The following NR6A1 variants were observed in gnomAD, a reference collection of about 807,000 sequenced individuals.
The protein encoded by NR6A1 is retinoic acid receptor-related testis-associated receptor.
In NR6A1, 7 loss-of-function variants were observed where a neutral mutation model predicts 59.1. The observed-to-expected ratio is 0.12, with a 90% CI of 0.07 to 0.22. The LOEUF (loss-of-function observed/expected upper bound fraction) is 0.22, where lower values mean the gene tolerates loss of function less well. NR6A1 is among the 10% of genes least tolerant of loss of function. The pLI, the probability that NR6A1 is intolerant of heterozygous loss-of-function variation, is 1.00. For missense variants in NR6A1, 468 were observed against 611.6 expected (o/e 0.77, Z 2.48); for synonymous variants, 243 against 236.1 (o/e 1.03, Z -0.27).
intron 1 of NR6A1, among the ~76,000 whole-genome samples, chr9:124,761,832 G>A (rs539847151): frequency 6.6e-6 from 1 of 152,294 alleles, no homozygotes; most frequent in East Asian, 1.9e-4. Flanking sequence ...TACCCTTGGT[G>A]AGGCAACTGG....
intron 3 of NR6A1, 85 bp from the exon 4 acceptor site, chr9:124,543,942 A>C (rs1177824915): frequency 9.4e-7 from 1 of 1,065,902 alleles, no homozygotes; most frequent in Non-Finnish European, 1.4e-6. Context: ...CTTGGCCAAA[A>C]GCATAAGACA....
At chr9:124,701,376 A>T (rs952943613) in intron 2 of NR6A1, among the ~76,000 whole-genome samples, 4 of 152,166 alleles carry the variant, frequency 2.6e-5, no homozygotes, top group African/African-American at 9.7e-5. Context: ...CCATGTTTTC[A>T]TATTTTTAAT....
intron 2 of NR6A1, among the ~76,000 whole-genome samples, chr9:124,700,222 TCTCA>T (rs748255459): frequency 1.1e-4 from 16 of 150,546 alleles, no homozygotes; most frequent in Non-Finnish European, 2.1e-4. Context: ...TGAAATGGGG[TCTCA>T]CTCTGTCACC....
chr9:124,766,428 CTG>C (rs1840935558), intron 1 of NR6A1, among the ~76,000 whole-genome samples: 1 of 152,218 alleles, frequency 6.6e-6, no homozygotes, highest in Non-Finnish European at 1.5e-5. Context: ...CTGTTAAAAA[CTG>C]TTTCAAGCAC....
At chr9:124,659,029 A>T (rs1385948800) in intron 2 of NR6A1, among the ~76,000 whole-genome samples, 1 of 152,252 alleles carries the variant, frequency 6.6e-6, no homozygotes, top group Non-Finnish European at 1.5e-5. Flanking sequence ...AAAATGGAGT[A>T]TTTAAAGAAG....
At chr9:124,623,571 A>G (rs1349614830) in intron 2 of NR6A1, among the ~76,000 whole-genome samples, 1 of 149,934 alleles carries the variant, frequency 6.7e-6, no homozygotes, top group Admixed American at 6.7e-5. Flanking sequence ...TCTGTTTCCC[A>G]GGCTGGTCTT....
At chr9:124,669,007 T>C (rs951543053) in intron 2 of NR6A1, among the ~76,000 whole-genome samples, 1 of 152,150 alleles carries the variant, frequency 6.6e-6, no homozygotes, top group African/African-American at 2.4e-5. Flanking sequence ...AAATTATACA[T>C]CCCTAACAAA....
chr9:124,524,677 A>C (rs1832881958), intron 9 of NR6A1, 44 bp downstream of exon 9: 3 of 1,601,342 alleles, frequency 1.9e-6, no homozygotes, highest in Non-Finnish European at 2.6e-6. Flanking sequence ...TCACAAGCTA[A>C]GAGAAGCAAG....
At chr9:124,584,818 G>T (rs1055015200) in intron 2 of NR6A1, among the ~76,000 whole-genome samples, 1 of 152,042 alleles carries the variant, frequency 6.6e-6, no homozygotes, top group African/African-American at 2.4e-5. Context: ...GAAGAGCCAC[G>T]TCTCTCACTT....
chr9:124,666,986 G>A (rs1009741210), intron 2 of NR6A1, among the ~76,000 whole-genome samples: 7 of 151,810 alleles, frequency 4.6e-5, no homozygotes, highest in East Asian at 3.9e-4. Context: ...CAGATGCTTC[G>A]TATGTAGTAG....
intron 2 of NR6A1, among the ~76,000 whole-genome samples, chr9:124,569,837 C>T (rs1259292442): frequency 6.6e-6 from 1 of 152,188 alleles, no homozygotes; most frequent in Non-Finnish European, 1.5e-5. Flanking sequence ...CTATAAAATT[C>T]CATTTCCAAG....
chr9:124,768,852 T>A (rs923079169), intron 1 of NR6A1, among the ~76,000 whole-genome samples: 1 of 152,252 alleles, frequency 6.6e-6, no homozygotes, highest in African/African-American at 2.4e-5. Flanking sequence ...AAATATTGAA[T>A]TGCAGTAAAA....
intron 2 of NR6A1, among the ~76,000 whole-genome samples, chr9:124,714,998 C>T (rs1226287319): frequency 6.6e-6 from 1 of 151,880 alleles, no homozygotes; most frequent in African/African-American, 2.4e-5. Flanking sequence ...AAGAGATCGA[C>T]ACCATCCTGA....
At chr9:124,643,260 G>A (rs1421409359) in intron 2 of NR6A1, among the ~76,000 whole-genome samples, 1 of 151,984 alleles carries the variant, frequency 6.6e-6, no homozygotes, top group East Asian at 1.9e-4. Context: ...CAGGAGCCAA[G>A]ACCAGCCTGG....
intron 2 of NR6A1, among the ~76,000 whole-genome samples, chr9:124,635,376 A>G (rs1836576879): frequency 1.3e-5 from 2 of 152,182 alleles, no homozygotes; most frequent in African/African-American, 2.4e-5. Flanking sequence ...GGTTTTCCCC[A>G]TGCTGTTCTC....
chr9:124,583,322 C>T (rs1834827500), intron 2 of NR6A1, among the ~76,000 whole-genome samples: 1 of 152,174 alleles, frequency 6.6e-6, no homozygotes. Flanking sequence ...AGTATAACTT[C>T]TTACAACCAC....
chr9:124,524,597 G>T, intron 9 of NR6A1, 124 bp downstream of exon 9: 2 of 1,067,110 alleles, frequency 1.9e-6, no homozygotes, highest in Non-Finnish European at 2.7e-6. Context: ...GGGCAAGGGT[G>T]AGAACTCTTT....
chr9:124,627,977 T>C (rs1040668619), intron 2 of NR6A1, among the ~76,000 whole-genome samples: 2 of 138,446 alleles, frequency 1.4e-5, no homozygotes, highest in African/African-American at 2.7e-5. Context: ...GAAAATACGG[T>C]GTGTGTAGAG....
chr9:124,751,478 A>C (rs1341693804), intron 1 of NR6A1, among the ~76,000 whole-genome samples: 3 of 152,240 alleles, frequency 2.0e-5, no homozygotes, highest in Admixed American at 2.0e-4. Flanking sequence ...TCATTACTTC[A>C]TACCAAGGCA....
Sources: gnomAD v4.1 joint callset for allele counts (sites outside exome capture counted in the v4.1 genomes callset) on GRCh38, gnomAD v4.1.1 for gene constraint, MANE v1.5 for transcripts, NCBI Gene and HGNC (gene_info 2026-07-23, HGNC 2026-07-21) for gene names.